Variants in EPHA6 observed in about 807,000 individuals in gnomAD.
The protein encoded by EPHA6 is ephrin type-A receptor 6.
EPHA6 carries 50 observed loss-of-function variants against 112.0 expected under a neutral mutation model. The observed-to-expected ratio is 0.45, with a 90% CI of 0.36 to 0.56. EPHA6 has a LOEUF of 0.56. Among genes scored for constraint, EPHA6 ranks in the 20% least tolerant of loss-of-function variants. The pLI, the probability that EPHA6 is intolerant of heterozygous loss-of-function variation, is 0.00. For missense variants in EPHA6, 1,280 were observed against 1,417.4 expected, an observed-to-expected ratio of 0.90 and a Z score of 1.56; for synonymous variants, 529 against 490.7, an observed-to-expected ratio of 1.08 and a Z score of -1.03.
chr3:97,541,597 A>C (rs2107675816), intron 11 of EPHA6, among the ~76,000 whole-genome samples: 1 of 152,206 alleles, frequency 6.6e-6, no homozygotes, highest in Non-Finnish European at 1.5e-5. Context: ...ACGTCTCATT[A>C]GTATTTTCAA....
chr3:97,258,953 C>CT (rs1468501109), intron 5 of EPHA6, among the ~76,000 whole-genome samples: 2 of 152,194 alleles, frequency 1.3e-5, no homozygotes, highest in African/African-American at 4.8e-5. Flanking sequence ...TACACCTCCA[C>CT]TAGAAGGACA....
intron 13 of EPHA6, among the ~76,000 whole-genome samples, chr3:97,636,569 A>G (rs1176091799): frequency 6.6e-6 from 1 of 152,090 alleles, no homozygotes; most frequent in African/African-American, 2.4e-5. Flanking sequence ...TCAGAGAGCT[A>G]TCAGAGAGAT....
At chr3:96,916,826 A>C (rs2039505062) in intron 2 of EPHA6, among the ~76,000 whole-genome samples, 1 of 152,178 alleles carries the variant, frequency 6.6e-6, no homozygotes, top group African/African-American at 2.4e-5. Flanking sequence ...AAATATAAGA[A>C]TCCCAAGCAA....
chr3:97,423,767 G>A (rs1577346955), intron 6 of EPHA6, among the ~76,000 whole-genome samples: 1 of 152,072 alleles, frequency 6.6e-6, no homozygotes, highest in South Asian at 2.1e-4. Context: ...ATACTATAAG[G>A]CTACAATAAC....
intron 11 of EPHA6, among the ~76,000 whole-genome samples, chr3:97,538,435 A>T (rs1216585687): frequency 6.6e-6 from 1 of 152,192 alleles, no homozygotes; most frequent in African/African-American, 2.4e-5. Flanking sequence ...TTATTTGGAC[A>T]TGCTAAGTTT....
chr3:96,920,785 TTAAA>T (rs1402861455), intron 2 of EPHA6, among the ~76,000 whole-genome samples: 2 of 152,070 alleles, frequency 1.3e-5, no homozygotes, highest in Non-Finnish European at 2.9e-5. Flanking sequence ...TGGCTTGAAC[TTAAA>T]TAAAATTTCT....
chr3:97,609,314 T>C (rs1010503567), intron 12 of EPHA6, among the ~76,000 whole-genome samples: 1 of 151,330 alleles, frequency 6.6e-6, no homozygotes, highest in East Asian at 1.9e-4. Context: ...GCTACCTCAG[T>C]GTTTCTATCA....
At chr3:97,653,133 G>A (rs1339298351) in intron 14 of EPHA6, among the ~76,000 whole-genome samples, 1 of 151,502 alleles carries the variant, frequency 6.6e-6, no homozygotes, top group Non-Finnish European at 1.5e-5. Flanking sequence ...AAGTGCTTAG[G>A]GTCTCAAAAG....
At chr3:96,838,513 C>A (rs1021726400) in intron 1 of EPHA6, among the ~76,000 whole-genome samples, 1 of 152,124 alleles carries the variant, frequency 6.6e-6, no homozygotes, top group South Asian at 2.1e-4. Flanking sequence ...TACTTTCCCA[C>A]CAACAGTGTA....
At chr3:97,387,931 C>G (rs1311166112) in intron 5 of EPHA6, among the ~76,000 whole-genome samples, 4 of 152,138 alleles carry the variant, frequency 2.6e-5, no homozygotes, top group African/African-American at 9.7e-5. Flanking sequence ...GAAGGGGAAG[C>G]ACATACATCT....
chr3:96,851,375 T>G (rs1366848702), intron 1 of EPHA6, among the ~76,000 whole-genome samples: 1 of 152,162 alleles, frequency 6.6e-6, no homozygotes, highest in Non-Finnish European at 1.5e-5. Flanking sequence ...TAAATATATT[T>G]AGAGGATGAG....
intron 3 of EPHA6, among the ~76,000 whole-genome samples, chr3:97,097,871 A>G (rs2108251206): frequency 6.6e-6 from 1 of 152,078 alleles, no homozygotes; most frequent in South Asian, 2.1e-4. Context: ...TGGTTATTAA[A>G]TCACATTTCT....
chr3:97,480,548 G>C (rs1284611930), intron 9 of EPHA6, among the ~76,000 whole-genome samples: 1 of 151,914 alleles, frequency 6.6e-6, no homozygotes. Flanking sequence ...AGGGGTTGGG[G>C]GTAAGGTTAT....
In EPHA6 at chr3:96,987,460, T is replaced by C; in HGVS notation, c.581T>C (p.Ile194Thr). 6.2e-7 allele frequency: 1 copy of C among 1,613,852 alleles called. No individual in the cohort carries two copies. The highest frequency in any genetic ancestry group is 8.5e-7 in the Non-Finnish European group (1 of 1,179,862). Reference sequence around the variant, plus strand: ...ATCTCCCGTGATGCAGCTCAGAAAATTTATGTGGAAATGAAATTCACACTA... The same window carrying C: ...ATCTCCCGTGATGCAGCTCAGAAAACTTATGTGGAAATGAAATTCACACTA... ...NWISRDAAQKIYVEMKFTLRD... is the reference protein window; with the variant it reads ...NWISRDAAQKTYVEMKFTLRD... The change falls in exon 3 of 18, where the codon ATT (isoleucine) becomes ACT (threonine). Residue 194 changes from isoleucine (I) to threonine (T), a missense_variant. This residue lies in a region of EPHA6 where 878 missense variants were observed against 999.7 expected (regional missense o/e 0.88). Transcript: ENST00000389672.
At chr3:96,860,811 T>C (rs548318367) in intron 1 of EPHA6, among the ~76,000 whole-genome samples, 1 of 152,218 alleles carries the variant, frequency 6.6e-6, no homozygotes, top group African/African-American at 2.4e-5. Flanking sequence ...ATGTAAATAA[T>C]ATAGGTCTCA....
At chr3:96,990,306 G>T (rs2043169074) in intron 3 of EPHA6, among the ~76,000 whole-genome samples, 1 of 151,846 alleles carries the variant, frequency 6.6e-6, no homozygotes, top group African/African-American at 2.4e-5. Context: ...AGATAGTTTT[G>T]GACAAATGAT....
chr3:97,079,652 C>T (rs2046656568), intron 3 of EPHA6, among the ~76,000 whole-genome samples: 2 of 149,844 alleles, frequency 1.3e-5, no homozygotes, highest in African/African-American at 2.5e-5. Flanking sequence ...AGGGTTGACT[C>T]CAGTTTTGGA....
At chr3:96,834,888 TG>T (rs1382272903) in intron 1 of EPHA6, among the ~76,000 whole-genome samples, 1 of 151,998 alleles carries the variant, frequency 6.6e-6, no homozygotes, top group Non-Finnish European at 1.5e-5. Context: ...GATTTATAGA[TG>T]GGGTTTATGA....
Position 97,633,578 on chromosome 3 carries a change from A to G in EPHA6, c.2575-4295A>G, listed in dbSNP as rs192558244. ...TGCATGGCAATATAGTGGATGCTGT[A>G]ATAGAACTGCTACATAAAGGGATAA... On this transcript the variant is annotated intron_variant, in intron 13 of 17. Coordinates refer to ENST00000389672, the MANE Select transcript of EPHA6 (RefSeq NM_001080448.3). 8.1e-4 allele frequency among the ~76,000 whole-genome samples: 124 copies of G among 152,240 alleles called. 1 individual carries two copies. Among genetic ancestry groups the G allele is most frequent in the African/African-American group, 2.5e-3 (104 of 41,576 alleles).
Sources: allele counts gnomAD v4.1 joint callset (sites outside exome capture counted in the v4.1 genomes callset), GRCh38; gene constraint gnomAD v4.1.1; regional missense constraint gnomAD v4.1.1; transcripts MANE v1.5; gene names NCBI Gene and HGNC (gene_info 2026-07-23, HGNC 2026-07-21).